The following CEP120 variants were observed in gnomAD, a reference collection of about 807,000 sequenced individuals.
CEP120 encodes centrosomal protein 120, also known as centrosomal protein of 120 kDa.
A neutral mutation model predicts 126.5 loss-of-function variants in CEP120; 113 were observed. The observed-to-expected ratio is 0.89, with a 90% CI of 0.77 to 1.04. The LOEUF (loss-of-function observed/expected upper bound fraction) is 1.04, where lower values mean the gene tolerates loss of function less well. Among genes scored for constraint, CEP120 ranks in the 50% least tolerant of loss-of-function variants. CEP120 has a pLI of 0.00. For synonymous variants in CEP120, 400 were observed against 394.3 expected, an observed-to-expected ratio of 1.01 and a Z score of -0.17; for missense variants, 1,230 against 1,155.7, an observed-to-expected ratio of 1.06 and a Z score of -0.93.
intron 4 of CEP120, among the ~76,000 whole-genome samples, chr5:123,404,021 A>G (rs1773466948): frequency 6.6e-6 from 1 of 152,262 alleles, no homozygotes; most frequent in Non-Finnish European, 1.5e-5. Context: ...ATAAGGTTAC[A>G]TGTGTTAATA....
chr5:123,377,222 C>A (rs1397389999), intron 16 of CEP120, 152 bp downstream of exon 16: 12 of 688,028 alleles, frequency 1.7e-5, no homozygotes, highest in Non-Finnish European at 2.8e-5. Context: ...AAAGATCCAA[C>A]TTAAAGTATA....
At chr5:123,378,490 C>T (rs1771421487) in intron 14 of CEP120, 62 bp from the exon 15 acceptor site, 1 of 942,730 alleles carries the variant, frequency 1.1e-6, no homozygotes, top group South Asian at 1.9e-5. Flanking sequence ...TTAAAACACA[C>T]ACAAATTCAA....
chr5:123,400,525 T>C (rs190258230), intron 4 of CEP120, among the ~76,000 whole-genome samples: 14 of 152,054 alleles, frequency 9.2e-5, no homozygotes, highest in African/African-American at 2.7e-4. Context: ...TGGAATGGAA[T>C]TGAAGGTGTC....
chr5:123,422,676 C>T, intron 1 of CEP120: 2 of 841,060 alleles, frequency 2.4e-6, no homozygotes, highest in Non-Finnish European at 3.8e-6. Flanking sequence ...AAGCCATCGA[C>T]GTGCTGCTTT....
chr5:123,420,072 C>A (rs1309629157), intron 1 of CEP120, among the ~76,000 whole-genome samples: 1 of 152,164 alleles, frequency 6.6e-6, no homozygotes, highest in Non-Finnish European at 1.5e-5. Flanking sequence ...TGAGTTAAAG[C>A]CTGAGGCTCT....
At chr5:123,402,407 C>CTGCTTCT in intron 4 of CEP120, 1 of 1,277,672 alleles carries the variant, frequency 7.8e-7, no homozygotes, top group Middle Eastern at 2.2e-4. Context: ...AGCGGAGAAG[C>CTGCTTCT]TGCTTCTTGG....
Position 123,346,447 on chromosome 5 carries a change from C to A in CEP120, c.*72G>T. ...ATACCATTTTAAAACATCCATTTTCCTCACTTTTGAGGTTTTTACAAAGAA... is the reference window on the plus strand; with the variant it reads ...ATACCATTTTAAAACATCCATTTTCATCACTTTTGAGGTTTTTACAAAGAA... On this transcript the variant is annotated 3_prime_UTR_variant, in exon 20 of 20. Transcript: ENST00000306467. 9 of 1,134,428 alleles carry A rather than the reference C, an allele frequency of 7.9e-6. No individual in the cohort carries two copies. Among genetic ancestry groups the A allele is most frequent in the South Asian group, 6.6e-5 (4 of 60,610 alleles). The allele number at this position is 1,134,428 out of a possible 1,614,324, so 70.3% of individuals were successfully genotyped here.
Position 123,346,523 on chromosome 5 carries a change from T to C in CEP120, c.2957A>G (p.Asn986Ser). 2 of 1,605,714 alleles carry C rather than the reference T, an allele frequency of 1.2e-6. No individual in the cohort carries two copies. Among genetic ancestry groups the C allele is most frequent in the Non-Finnish European group, 1.7e-6 (2 of 1,175,030 alleles). ...ATAAAGCTTTTCCAAATGTTATTAATTACTGGCATTGCTTTTTGCCAAAAT... is the reference window on the plus strand; with the variant it reads ...ATAAAGCTTTTCCAAATGTTATTAACTACTGGCATTGCTTTTTGCCAAAAT... ...REILAKSNAS[N>S] The change falls in exon 20 of 20, where the codon AAT becomes AGT. Residue 986 changes from asparagine to serine, a missense_variant. Coordinates refer to ENST00000306467, the MANE Select transcript of CEP120 (RefSeq NM_001375405.1).
Position 123,412,501 on chromosome 5 carries a change from T to G in CEP120, c.361A>C (p.Lys121Gln). 6.2e-7 allele frequency: 1 copy of G among 1,611,882 alleles called. No individual in the cohort carries two copies. The highest frequency in any genetic ancestry group is 1.1e-5 in the South Asian group (1 of 90,492). Residue 121 changes from lysine (K) to glutamine (Q), a missense_variant, in exon 4 of 20, where the codon AAA becomes CAA. By Grantham distance (53) the Lys-to-Gln change is moderately conservative. Coordinates refer to ENST00000306467, the MANE Select transcript of CEP120 (RefSeq NM_001375405.1). ...CTTATCTGTATCTCAGACTTGAATTTGGTGTATTTATTACTCAGCAACTGG... is the reference window on the plus strand; with the variant it reads ...CTTATCTGTATCTCAGACTTGAATTGGGTGTATTTATTACTCAGCAACTGG... ...WYQLLSNKYT[K>Q]FKSEIQISIA... is the part of the protein sequence containing the mutation.
intron 18 of CEP120, among the ~76,000 whole-genome samples, chr5:123,360,188 T>A (rs1769972638): frequency 6.6e-6 from 1 of 151,922 alleles, no homozygotes; most frequent in South Asian, 2.1e-4. Context: ...TCAAGCACAA[T>A]AAATGTGTTT....
intron 1 of CEP120, among the ~76,000 whole-genome samples, chr5:123,420,098 T>C (rs995546669): frequency 4.6e-5 from 7 of 152,194 alleles, no homozygotes; most frequent in Admixed American, 3.9e-4. Flanking sequence ...AAACTCTGTA[T>C]TAGGAGTATT....
intron 17 of CEP120, among the ~76,000 whole-genome samples, chr5:123,372,259 G>C (rs1384010902): frequency 6.6e-6 from 1 of 152,044 alleles, no homozygotes; most frequent in Admixed American, 6.6e-5. Context: ...CAGAGGGTAG[G>C]GAATCCAGTG....
intron 4 of CEP120, among the ~76,000 whole-genome samples, chr5:123,408,380 A>G (rs745417390): frequency 5.3e-5 from 8 of 152,052 alleles, no homozygotes; most frequent in East Asian, 1.9e-4. Context: ...GCCAGGCTCA[A>G]TAAGAAAAAA....
chr5:123,353,550 A>G (rs1769355053), intron 18 of CEP120, among the ~76,000 whole-genome samples: 1 of 151,864 alleles, frequency 6.6e-6, no homozygotes, highest in South Asian at 2.1e-4. Flanking sequence ...ATTTTCTAAA[A>G]TCTTTGTGTA....
intron 4 of CEP120, among the ~76,000 whole-genome samples, chr5:123,405,217 C>T (rs917019297): frequency 2.0e-5 from 3 of 152,082 alleles, no homozygotes; most frequent in Non-Finnish European, 4.4e-5. Context: ...AGTAGGAAAA[C>T]GTGAACTGGG....
At chr5:123,396,287 C>A (rs1772786619) in intron 5 of CEP120, among the ~76,000 whole-genome samples, 1 of 152,052 alleles carries the variant, frequency 6.6e-6, no homozygotes, top group Non-Finnish European at 1.5e-5. Flanking sequence ...TATTTGAATA[C>A]CTATTTCCAA....
chr5:123,419,676 A>G (rs1774598481), intron 1 of CEP120, among the ~76,000 whole-genome samples: 1 of 152,190 alleles, frequency 6.6e-6, no homozygotes, highest in Non-Finnish European at 1.5e-5. Context: ...TTCTATCTAC[A>G]CATCACTTTT....
chr5:123,371,387 C>T (rs1362363459), intron 17 of CEP120, among the ~76,000 whole-genome samples: 1 of 151,924 alleles, frequency 6.6e-6, no homozygotes, highest in Non-Finnish European at 1.5e-5. Flanking sequence ...AGGCAAACTC[C>T]CATTTTTTAA....
chr5:123,399,358 A>T (rs1773021539), intron 4 of CEP120, 74 bp from the exon 5 acceptor site: 4 of 1,391,752 alleles, frequency 2.9e-6, no homozygotes, highest in Non-Finnish European at 4.0e-6. Context: ...AAAACTGATT[A>T]TATTTTGTAA....
Sources: gnomAD v4.1 joint callset for allele counts (sites outside exome capture counted in the v4.1 genomes callset) on GRCh38, gnomAD v4.1.1 for gene constraint, MANE v1.5 for transcripts, NCBI Gene and HGNC (gene_info 2026-07-23, HGNC 2026-07-21) for gene names.